Variants in STARD13 observed in about 807,000 individuals in gnomAD.
The protein encoded by STARD13 is stAR-related lipid transfer protein 13.
A neutral mutation model predicts 106.4 loss-of-function variants in STARD13; 62 were observed. That is an observed-to-expected ratio of 0.58 (90% confidence interval 0.48 to 0.72). The LOEUF (loss-of-function observed/expected upper bound fraction) is 0.72, where lower values mean the gene tolerates loss of function less well. STARD13 is among the 30% of genes least tolerant of loss of function. STARD13 has a pLI of 0.00. For synonymous variants in STARD13, 565 were observed against 553.0 expected (o/e 1.02, Z -0.31); for missense variants, 1,387 against 1,424.0 (o/e 0.97, Z 0.42).
rs1311051277 is a variant in STARD13, at chr13:33,103,278, C to G, written c.*2315G>C. 2 of 152,558 alleles carry G rather than the reference C, an allele frequency of 1.3e-5. No homozygotes were observed. The highest frequency in any genetic ancestry group is 2.9e-5 in the Non-Finnish European group (2 of 68,032). 9.5% of individuals were successfully genotyped at this position (152,558 alleles called of 1,614,324 possible). On this transcript the variant is annotated 3_prime_UTR_variant, in exon 14 of 14. Transcript: ENST00000336934. ...TATAATATTTAAATGCAATATCATA[C>G]TTTATTTCCATTGGCAAGATAACAA...
chr13:33,469,202 A>G, the STARD13 span, among the ~76,000 whole-genome samples: 2 of 152,162 alleles, frequency 1.3e-5, no homozygotes, highest in Non-Finnish European at 2.9e-5. Context: ...TTTCACACAA[A>G]ACAAAACTGG....
chr13:33,284,884 A>T (rs1037826804), intron 1 of STARD13, among the ~76,000 whole-genome samples: 1 of 152,090 alleles, frequency 6.6e-6, no homozygotes, highest in Non-Finnish European at 1.5e-5. Flanking sequence ...AGGTTACGGG[A>T]TTTGTTTTGA....
the STARD13 span, among the ~76,000 whole-genome samples, chr13:33,447,809 C>G: frequency 6.6e-6 from 1 of 151,998 alleles, no homozygotes; most frequent in South Asian, 2.1e-4. Flanking sequence ...CAAAATCCAA[C>G]AAATTTTATC....
the STARD13 span, among the ~76,000 whole-genome samples, chr13:33,519,208 T>TTTCTCTCTTTC: frequency 5.5e-3 from 558 of 101,580 alleles, 10 homozygotes; most frequent in African/African-American, 8.1e-3. Flanking sequence ...CTTGGTAATT[T>TTTCTCTCTTTC]TTTCTTTCTT....
At chr13:33,573,710 C>T in the STARD13 span, among the ~76,000 whole-genome samples, 2 of 152,136 alleles carry the variant, frequency 1.3e-5, no homozygotes, top group Non-Finnish European at 2.9e-5. Flanking sequence ...TAAATCATCT[C>T]ATAATAATGT....
intron 4 of STARD13, among the ~76,000 whole-genome samples, chr13:33,135,978 C>T (rs778491319): frequency 4.6e-5 from 7 of 152,034 alleles, no homozygotes; most frequent in Admixed American, 2.0e-4. Flanking sequence ...AGAAATTAGC[C>T]TGGTATGGTG....
the STARD13 span, among the ~76,000 whole-genome samples, chr13:33,555,299 T>C: frequency 6.6e-6 from 1 of 152,182 alleles, no homozygotes; most frequent in Non-Finnish European, 1.5e-5. Context: ...TCTAACCTCT[T>C]GCTGGGCTTC....
the STARD13 span, among the ~76,000 whole-genome samples, chr13:33,391,753 G>C: frequency 5.4e-4 from 82 of 152,198 alleles, 1 homozygote; most frequent in African/African-American, 1.8e-3. Flanking sequence ...TTCTCTGCAT[G>C]GGGCTGTGAT....
At chr13:33,637,049 T>C in the STARD13 span, among the ~76,000 whole-genome samples, 3 of 152,212 alleles carry the variant, frequency 2.0e-5, no homozygotes, top group Non-Finnish European at 4.4e-5. Context: ...GAATGAATAG[T>C]ACCCTTACTC....
the STARD13 span, among the ~76,000 whole-genome samples, chr13:33,464,641 G>A: frequency 6.6e-6 from 1 of 152,168 alleles, no homozygotes; most frequent in Non-Finnish European, 1.5e-5. Context: ...CTTGAGGCAA[G>A]AACTCAAGAC....
chr13:33,157,083 T>C (rs923670306), intron 3 of STARD13, among the ~76,000 whole-genome samples: 1 of 151,420 alleles, frequency 6.6e-6, no homozygotes, highest in Non-Finnish European at 1.5e-5. Flanking sequence ...ATATTATTAA[T>C]GTTATTCAAC....
chr13:33,544,852 C>T, the STARD13 span, among the ~76,000 whole-genome samples: 8 of 148,370 alleles, frequency 5.4e-5, no homozygotes, highest in East Asian at 1.4e-3. Flanking sequence ...CAGCTCACTG[C>T]AATCTCTGCC....
chr13:33,325,397 T>C (rs1289005405), intron 1 of STARD13, among the ~76,000 whole-genome samples: 8 of 152,176 alleles, frequency 5.3e-5, no homozygotes, highest in Non-Finnish European at 1.5e-5. Flanking sequence ...GATTATTCTA[T>C]ACACAGAGAG....
At chr13:33,274,359 G>C (rs749367352) in intron 1 of STARD13, among the ~76,000 whole-genome samples, 4 of 152,136 alleles carry the variant, frequency 2.6e-5, no homozygotes, top group South Asian at 2.1e-4. Context: ...GGTGAAGATA[G>C]CAAGAAGGCA....
intron 1 of STARD13, among the ~76,000 whole-genome samples, chr13:33,202,827 G>A (rs928952506): frequency 6.6e-6 from 1 of 152,144 alleles, no homozygotes; most frequent in Non-Finnish European, 1.5e-5. Context: ...GGTGGGTGGG[G>A]CAGGAGGGAC....
chr13:33,141,880 C>G (rs193231828), intron 4 of STARD13, among the ~76,000 whole-genome samples: 1 of 151,930 alleles, frequency 6.6e-6, no homozygotes. Flanking sequence ...TACGCAAACC[C>G]TCTAATAAAA....
At chr13:33,529,873 G>A in the STARD13 span, among the ~76,000 whole-genome samples, 3 of 152,058 alleles carry the variant, frequency 2.0e-5, no homozygotes, top group Non-Finnish European at 2.9e-5. Flanking sequence ...AGGGGGTACC[G>A]GTAGCAAATG....
At chr13:33,562,688 G>A in the STARD13 span, among the ~76,000 whole-genome samples, 5 of 146,198 alleles carry the variant, frequency 3.4e-5, no homozygotes, top group African/African-American at 1.3e-4. Flanking sequence ...ATAGAAAAAC[G>A]GTGGTCATTT....
At chr13:33,232,632 G>A (rs1888980733) in intron 1 of STARD13, among the ~76,000 whole-genome samples, 1 of 152,168 alleles carries the variant, frequency 6.6e-6, no homozygotes, top group African/African-American at 2.4e-5. Context: ...TTGACGACGT[G>A]TATCTGAAAC....
Sources: allele counts gnomAD v4.1 joint callset (sites outside exome capture counted in the v4.1 genomes callset), GRCh38; gene constraint gnomAD v4.1.1; transcripts MANE v1.5; gene names NCBI Gene and HGNC (gene_info 2026-07-23, HGNC 2026-07-21).